ST6GAL2: variants seen among roughly 807,000 people sequenced by gnomAD.
ST6GAL2 encodes ST6 beta-galactoside alpha-2,6-sialyltransferase 2.
In ST6GAL2, 24 loss-of-function variants were observed where a neutral mutation model predicts 37.5. The ratio of observed to expected loss-of-function variants is 0.64; its 90% CI spans 0.46 to 0.90. The LOEUF (loss-of-function observed/expected upper bound fraction) is 0.90. Ranked by LOEUF, ST6GAL2 falls within the 40% of genes least tolerant of loss-of-function variation. The probability of loss-of-function intolerance (pLI) is 0.00; values close to 1 mark genes in which losing one functional copy is unlikely to be tolerated. For synonymous variants in ST6GAL2, 306 were observed against 295.1 expected (o/e 1.04, Z -0.38); for missense variants, 715 against 712.7 (o/e 1.00, Z -0.04).
Position 106,843,021 on chromosome 2 carries a change from C to T in ST6GAL2, c.943+14G>A, listed in dbSNP as rs772098783. ...CTCAAGACAGGGCGACCTGGTCCCC[C>T]CGCTGAGACCTACCTATTTCCTCGC... On this transcript the variant is annotated intron_variant, in intron 2 of 5. Transcript: ENST00000409382. 3 of 1,383,926 alleles carry T rather than the reference C, an allele frequency of 2.2e-6. No individual in the cohort carries two copies. In the Admixed American group the frequency reaches 9.5e-5, roughly 44 times the overall value. 85.7% of individuals were successfully genotyped at this position (1,383,926 alleles called of 1,614,324 possible). A position where few individuals can be genotyped will look rare whatever the true frequency, so the allele number is the denominator to read the frequency against.
intron 4 of ST6GAL2, 67 bp from the exon 5 acceptor site, chr2:106,830,307 C>G: frequency 7.0e-7 from 1 of 1,429,358 alleles, no homozygotes. Context: ...CAGGGCATGG[C>G]TGGTTGATTT....
intron 1 of ST6GAL2, among the ~76,000 whole-genome samples, chr2:106,874,000 G>A (rs1416328935): frequency 6.6e-6 from 1 of 152,134 alleles, no homozygotes; most frequent in Non-Finnish European, 1.5e-5. Context: ...TTAGGGAGTG[G>A]ACAGCCATCC....
intron 5 of ST6GAL2, among the ~76,000 whole-genome samples, chr2:106,810,729 C>T (rs1675575265): frequency 6.6e-6 from 1 of 152,170 alleles, no homozygotes; most frequent in Admixed American, 6.5e-5. Context: ...GCAGGTGGAT[C>T]ACTCAAACCC....
chr2:106,807,972 C>T (rs10427207), intron 5 of ST6GAL2, among the ~76,000 whole-genome samples: 55,214 of 151,952 alleles, frequency 0.36, 10,318 homozygotes, highest in Non-Finnish European at 0.37. Context: ...TTTCTTTTCT[C>T]AACACCACCA....
chr2:106,813,663 AAAAC>A (rs1162973405), intron 5 of ST6GAL2, among the ~76,000 whole-genome samples: 1 of 152,250 alleles, frequency 6.6e-6, no homozygotes, highest in East Asian at 1.9e-4. Flanking sequence ...ATCATTGAGA[AAAAC>A]AAAATTTTCT....
In ST6GAL2 at chr2:106,802,459, C is replaced by T. The variant is rs1166148036; in HGVS notation, c.*4219G>A. On this transcript the variant is annotated 3_prime_UTR_variant, in exon 6 of 6. Transcript: ENST00000409382. ...CATATTACATTACTTTTTTTTTAAC[C>T]AAAAGGCTTCATTCATTTAATAAAA... 6.6e-6 allele frequency: 1 copy of T among 151,530 alleles called. No individual in the cohort carries two copies. The highest frequency in any genetic ancestry group is 1.5e-5 in the Non-Finnish European group (1 of 67,882). The allele number at this position is 151,530 out of a possible 1,614,324, so 9.4% of individuals were successfully genotyped here. A position where few individuals can be genotyped will look rare whatever the true frequency, so the allele number is the denominator to read the frequency against.
At chr2:106,887,243 C>T (rs990573350), upstream of ST6GAL2, 5 of 152,342 alleles carry the variant, frequency 3.3e-5, no homozygotes, top group African/African-American at 1.2e-4. Flanking sequence ...CTCGCTAGCT[C>T]CCTTTGTTCA....
chr2:106,880,571 T>A (rs1678707392), intron 1 of ST6GAL2, among the ~76,000 whole-genome samples: 1 of 152,210 alleles, frequency 6.6e-6, no homozygotes, highest in East Asian at 1.9e-4. Flanking sequence ...ACACAAACAT[T>A]CACATTCACA....
chr2:106,831,302 C>T (rs539270140), intron 4 of ST6GAL2, among the ~76,000 whole-genome samples: 1 of 152,338 alleles, frequency 6.6e-6, no homozygotes, highest in African/African-American at 2.4e-5. Context: ...AAAGGCCTTA[C>T]AGAAAGCGGC....
At chr2:106,878,235 G>A (rs1388265624) in intron 1 of ST6GAL2, among the ~76,000 whole-genome samples, 1 of 152,236 alleles carries the variant, frequency 6.6e-6, no homozygotes, top group Non-Finnish European at 1.5e-5. Context: ...GGTTGAGGCG[G>A]GAGGATCGCT....
upstream of ST6GAL2, among the ~76,000 whole-genome samples, chr2:106,886,801 C>A (rs2104682851): frequency 6.6e-6 from 1 of 151,968 alleles, no homozygotes; most frequent in South Asian, 2.1e-4. Context: ...GGCAGCTCGG[C>A]CCGCCGGCGA....
chr2:106,854,136 T>C (rs1677480115), intron 1 of ST6GAL2, among the ~76,000 whole-genome samples: 1 of 152,178 alleles, frequency 6.6e-6, no homozygotes, highest in Admixed American at 6.5e-5. Flanking sequence ...GGCCAGCAGA[T>C]GGCTTTTACA....
intron 1 of ST6GAL2, among the ~76,000 whole-genome samples, chr2:106,876,852 T>G (rs1678524813): frequency 6.6e-6 from 1 of 152,198 alleles, no homozygotes; most frequent in Non-Finnish European, 1.5e-5. Flanking sequence ...AACCTGTGCC[T>G]TGGAGGTAGC....
At chr2:106,851,268 TGCCTCAC>T (rs1291379468) in intron 1 of ST6GAL2, among the ~76,000 whole-genome samples, 17 of 152,194 alleles carry the variant, frequency 1.1e-4, no homozygotes, top group African/African-American at 4.1e-4. Flanking sequence ...AAATCAAAAG[TGCCTCAC>T]TGCTGGAAAT....
intron 4 of ST6GAL2, 39 bp from the exon 5 acceptor site, chr2:106,830,279 C>A (rs770604463): frequency 1.0e-5 from 16 of 1,567,432 alleles, no homozygotes; most frequent in African/African-American, 1.4e-5. Flanking sequence ...GTAGAAAGAA[C>A]TAAACTATGA....
intron 1 of ST6GAL2, among the ~76,000 whole-genome samples, chr2:106,881,325 A>G (rs1489333611): frequency 2.0e-5 from 3 of 152,216 alleles, no homozygotes; most frequent in African/African-American, 7.2e-5. Flanking sequence ...TAATTTTAAA[A>G]TATAATTTAC....
chr2:106,818,061 A>G (rs1675871198), intron 5 of ST6GAL2, among the ~76,000 whole-genome samples: 1 of 152,098 alleles, frequency 6.6e-6, no homozygotes, highest in South Asian at 2.1e-4. Flanking sequence ...ACTAAATACA[A>G]TACCAGGTAG....
At chr2:106,846,086 C>A (rs1367239179) in intron 1 of ST6GAL2, among the ~76,000 whole-genome samples, 1 of 152,088 alleles carries the variant, frequency 6.6e-6, no homozygotes, top group Non-Finnish European at 1.5e-5. Context: ...AAATGTGAAG[C>A]GCGAAGAAGT....
At chr2:106,881,619 T>C (rs775068174) in intron 1 of ST6GAL2, among the ~76,000 whole-genome samples, 5 of 152,204 alleles carry the variant, frequency 3.3e-5, no homozygotes, top group Non-Finnish European at 7.3e-5. Flanking sequence ...ACTTACCCTT[T>C]CCCATATTTA....
Sources: gnomAD v4.1 joint callset for allele counts (sites outside exome capture counted in the v4.1 genomes callset) on GRCh38, gnomAD v4.1.1 for gene constraint, MANE v1.5 for transcripts, NCBI Gene and HGNC (gene_info 2026-07-23, HGNC 2026-07-21) for gene names.